The following EXOC4 variants were observed in gnomAD, a reference collection of about 807,000 sequenced individuals.
The protein encoded by EXOC4 is exocyst complex component 4, also known as SEC8-like 1.
Under a neutral mutation model 107.2 loss-of-function variants are expected in EXOC4, and 71 were observed. That is an observed-to-expected ratio of 0.66 (90% confidence interval 0.55 to 0.81). EXOC4 has a LOEUF of 0.81. EXOC4 is among the 30% of genes least tolerant of loss of function. EXOC4 has a pLI of 0.00. For synonymous variants in EXOC4, 456 were observed against 441.2 expected, an observed-to-expected ratio of 1.03 and a Z score of -0.42; for missense variants, 1,108 against 1,189.6, an observed-to-expected ratio of 0.93 and a Z score of 1.01.
intron 5 of EXOC4, among the ~76,000 whole-genome samples, chr7:133,352,879 A>T (rs1184598208): frequency 1.3e-5 from 2 of 152,034 alleles, no homozygotes; most frequent in Admixed American, 1.3e-4. Flanking sequence ...CTCTAACTTG[A>T]ATTTATACCA....
intron 10 of EXOC4, among the ~76,000 whole-genome samples, chr7:133,813,323 T>C (rs1363225824): frequency 6.6e-6 from 1 of 152,174 alleles, no homozygotes; most frequent in African/African-American, 2.4e-5. Flanking sequence ...AGTAAAAGTT[T>C]TGTTCTGATA....
chr7:133,912,291 G>C (rs1272591066), intron 12 of EXOC4, among the ~76,000 whole-genome samples: 1 of 152,212 alleles, frequency 6.6e-6, no homozygotes, highest in African/African-American at 2.4e-5. Flanking sequence ...GAGTTTTTGA[G>C]GAGACTTTCC....
chr7:133,811,165 T>C (rs908547691), intron 10 of EXOC4, among the ~76,000 whole-genome samples: 7 of 152,124 alleles, frequency 4.6e-5, no homozygotes. Context: ...GTTTCCCTGC[T>C]CATCATTTAC....
chr7:133,794,000 A>G (rs1175718242), intron 10 of EXOC4, among the ~76,000 whole-genome samples: 1 of 152,120 alleles, frequency 6.6e-6, no homozygotes, highest in Admixed American at 6.5e-5. Flanking sequence ...CCCTTCTAAG[A>G]ACAATAAAAA....
chr7:133,569,152 AT>A (rs11307694), intron 9 of EXOC4, among the ~76,000 whole-genome samples: 55,709 of 151,688 alleles, frequency 0.37, 11,048 homozygotes, highest in African/African-American at 0.52. Context: ...ATTAATAAAG[AT>A]TTTTTTTTAA....
intron 11 of EXOC4, among the ~76,000 whole-genome samples, chr7:133,868,832 A>G (rs1798694698): frequency 1.3e-5 from 2 of 152,018 alleles, no homozygotes; most frequent in African/African-American, 4.8e-5. Context: ...TAATCTCTTT[A>G]TCATCATTTC....
Position 133,484,254 on chromosome 7 carries a change from G to C in EXOC4, c.1417+4116G>C, listed in dbSNP as rs909783203. On this transcript the variant is annotated intron_variant, in intron 9 of 17. Coordinates refer to ENST00000253861, the MANE Select transcript of EXOC4 (RefSeq NM_021807.4). The stretch of plus-strand genomic sequence containing the variant: ...AATAGGCTCTAACTGTTATGGTACA[G>C]ATGGTTCATTATATAGTCTGCTGTT... 46 of 1,325,846 alleles carry C rather than the reference G, an allele frequency of 3.5e-5. No individual in the cohort carries two copies. The African/African-American group carries it at 6.4e-4, about 18-fold the overall frequency. The allele number at this position is 1,325,846 out of a possible 1,614,324, so 82.1% of individuals were successfully genotyped here.
At chr7:133,346,736 G>A (rs1026771996) in intron 5 of EXOC4, among the ~76,000 whole-genome samples, 2 of 152,122 alleles carry the variant, frequency 1.3e-5, no homozygotes, top group African/African-American at 4.8e-5. Flanking sequence ...TCATGTGATA[G>A]AGGGATAATA....
chr7:133,731,101 A>G (rs1259256955), intron 10 of EXOC4, among the ~76,000 whole-genome samples: 2 of 152,138 alleles, frequency 1.3e-5, no homozygotes, highest in Non-Finnish European at 2.9e-5. Context: ...ATTTCACCCT[A>G]ATTTATGTTT....
chr7:133,468,454 T>A (rs1367811578), intron 7 of EXOC4, among the ~76,000 whole-genome samples: 4 of 152,216 alleles, frequency 2.6e-5, no homozygotes, highest in African/African-American at 7.2e-5. Context: ...AGTAGCTCTA[T>A]GAGGAAAACT....
In EXOC4 at chr7:133,725,501, G is replaced by T. The variant is rs191678231; in HGVS notation, c.1515-91824G>T. 1.2e-4 allele frequency among the ~76,000 whole-genome samples: 18 copies of T among 152,048 alleles called. 1 individual carries two copies. Among genetic ancestry groups the T allele is most frequent in the African/African-American group, 3.4e-4 (14 of 41,498 alleles). ...AGTGATTCTCCTGCCTCAGCCTCCC[G>T]AGTAGCTGGGACTACAAGCCCCCAC... On this transcript the variant is annotated intron_variant, in intron 10 of 17. Coordinates refer to ENST00000253861, the MANE Select transcript of EXOC4 (RefSeq NM_021807.4).
chr7:133,453,401 C>A (rs968024329), intron 7 of EXOC4, among the ~76,000 whole-genome samples: 3 of 152,140 alleles, frequency 2.0e-5, no homozygotes, highest in Non-Finnish European at 4.4e-5. Flanking sequence ...CAAAAGAAAT[C>A]TTACATTTTC....
At chr7:133,745,236 A>G (rs1329195877) in intron 10 of EXOC4, among the ~76,000 whole-genome samples, 2 of 152,144 alleles carry the variant, frequency 1.3e-5, no homozygotes, top group Non-Finnish European at 2.9e-5. Context: ...ACCAAATAAG[A>G]ATGATGGGAT....
chr7:133,599,843 A>T (rs539950869), intron 9 of EXOC4, among the ~76,000 whole-genome samples: 4 of 151,418 alleles, frequency 2.6e-5, no homozygotes, highest in Admixed American at 2.0e-4. Context: ...AAAATATCAC[A>T]CTACATGTTA....
At chr7:133,398,548 A>G (rs766870010) in intron 7 of EXOC4, among the ~76,000 whole-genome samples, 1 of 152,142 alleles carries the variant, frequency 6.6e-6, no homozygotes, top group African/African-American at 2.4e-5. Context: ...TTGAATTTCT[A>G]ATGTGGATTA....
intron 7 of EXOC4, among the ~76,000 whole-genome samples, chr7:133,464,864 G>C (rs1330201420): frequency 2.7e-5 from 3 of 111,972 alleles, no homozygotes; most frequent in Non-Finnish European, 5.0e-5. Context: ...CTGTCACCCA[G>C]ACTGGAGTGC....
At chr7:133,297,228 C>T (rs774352868) in intron 3 of EXOC4, among the ~76,000 whole-genome samples, 25 of 152,076 alleles carry the variant, frequency 1.6e-4, no homozygotes, top group Non-Finnish European at 1.2e-4. Flanking sequence ...TTGGTCAAAT[C>T]GGTTTAGTAG....
chr7:133,690,349 G>A (rs1211879334), intron 10 of EXOC4, among the ~76,000 whole-genome samples: 2 of 152,196 alleles, frequency 1.3e-5, no homozygotes, highest in Non-Finnish European at 2.9e-5. Flanking sequence ...GCCCTCGTGA[G>A]ATACCTCCTC....
At position 133,555,153 on chromosome 7, in the gene EXOC4, AC is replaced by A. The variant is rs560849775; in HGVS notation, c.1418-74890del. Reference sequence around the variant, plus strand: ...CTGCACTTGACTATTCTTTGTATAGACCAAGACATCTAAATAGATGGAAAAA... The same window carrying A: ...CTGCACTTGACTATTCTTTGTATAGACAAGACATCTAAATAGATGGAAAAA... On this transcript the variant is annotated intron_variant, in intron 9 of 17. Transcript: ENST00000253861. 2.6e-3 allele frequency among the ~76,000 whole-genome samples: 403 copies of A among 152,314 alleles called. 1 individual carries two copies. Among genetic ancestry groups the A allele is most frequent in the African/African-American group, 9.4e-3 (391 of 41,582 alleles).
Sources: allele counts gnomAD v4.1 joint callset (sites outside exome capture counted in the v4.1 genomes callset), GRCh38; gene constraint gnomAD v4.1.1; transcripts MANE v1.5; gene names NCBI Gene and HGNC (gene_info 2026-07-23, HGNC 2026-07-21).